The following KLF8 variants were observed in gnomAD, a reference collection of about 807,000 sequenced individuals.
KLF8 encodes the protein Krueppel-like factor 8.
KLF8 carries 10 observed loss-of-function variants against 18.2 expected under a neutral mutation model. The observed-to-expected ratio is 0.55, with a 90% confidence interval of 0.34 to 0.93. The LOEUF is 0.93. KLF8 is among the 40% of genes least tolerant of loss of function. The pLI is 0.02. For synonymous variants in KLF8, 109 were observed against 97.3 expected, an observed-to-expected ratio of 1.12 and a Z score of -0.71; for missense variants, 264 against 277.9, an observed-to-expected ratio of 0.95 and a Z score of 0.36.
chrX:56,086,166 C>A, the KLF8 span, among the ~76,000 whole-genome samples: 2 of 112,236 alleles, frequency 1.8e-5, no homozygotes, highest in Admixed American at 9.5e-5. Context: ...TACAAGGAAG[C>A]AAGGCTTTCT....
chrX:56,051,398 G>T, the KLF8 span, among the ~76,000 whole-genome samples: 6 of 110,486 alleles, frequency 5.4e-5, no homozygotes, highest in African/African-American at 2.0e-4. Context: ...ATTTTGCAGC[G>T]GCTGGTGCCG....
the KLF8 span, among the ~76,000 whole-genome samples, chrX:56,024,043 A>T: frequency 8.9e-6 from 1 of 111,774 alleles, no homozygotes; most frequent in African/African-American, 3.2e-5. Flanking sequence ...TGATAGATAT[A>T]TATTAGTTTT....
At chrX:56,028,093 G>A in the KLF8 span, among the ~76,000 whole-genome samples, 2 of 112,097 alleles carry the variant, frequency 1.8e-5, no homozygotes, top group Non-Finnish European at 3.8e-5. Flanking sequence ...CTTGGCCAGG[G>A]CCCCACAGTT....
the KLF8 span, among the ~76,000 whole-genome samples, chrX:56,222,692 C>T: frequency 8.9e-6 from 1 of 112,872 alleles, no homozygotes; most frequent in African/African-American, 3.2e-5. Flanking sequence ...GCGCAGGAGC[C>T]CACCGTGGGG....
chrX:56,184,780 T>C, the KLF8 span, among the ~76,000 whole-genome samples: 2 of 112,150 alleles, frequency 1.8e-5, no homozygotes, highest in Non-Finnish European at 3.8e-5. Flanking sequence ...AGGGTGGACC[T>C]CCAGCAAACT....
rs2066411720 is a variant in KLF8 at position 56,232,462 on chromosome X, AAAGACGG to A, written c.-870_-864del. ...TCCTTTGGGCCTAGCAGGGCCAGAG[AAAGACGG>A]AATCACTCTACCCACTCAGGTTGCC... On this transcript the variant is annotated 5_prime_UTR_variant, in exon 1 of 6. Transcript: ENST00000468660. The A allele has an allele frequency of 1.8e-5, 2 of 110,885 alleles. No homozygotes were observed. Among genetic ancestry groups the A allele is most frequent in the Non-Finnish European group, 3.8e-5 (2 of 52,876 alleles). The allele number at this position is 110,885 out of a possible 1,213,427, so 9.1% of individuals were successfully genotyped here.
chrX:56,043,331 C>G, the KLF8 span, among the ~76,000 whole-genome samples: 1 of 109,920 alleles, frequency 9.1e-6, no homozygotes, highest in African/African-American at 3.3e-5. Context: ...CAGGGGTTCT[C>G]TGCATTTCTT....
the KLF8 span, among the ~76,000 whole-genome samples, chrX:56,155,527 C>T: frequency 9.1e-6 from 1 of 110,448 alleles, no homozygotes; most frequent in Admixed American, 9.7e-5. Flanking sequence ...ATGGGTGCAC[C>T]TCACCAACAT....
the KLF8 span, among the ~76,000 whole-genome samples, chrX:56,051,502 G>A: frequency 9.1e-6 from 1 of 109,817 alleles, no homozygotes; most frequent in South Asian, 3.9e-4. Flanking sequence ...TGTCTGTAAA[G>A]GATTTTATTT....
intron 5 of KLF8, among the ~76,000 whole-genome samples, chrX:56,276,255 T>C (rs2067121556): frequency 9.1e-6 from 1 of 109,890 alleles, no homozygotes; most frequent in Admixed American, 9.7e-5. Context: ...AATTATGGCT[T>C]TTGTCTCATT....
At chrX:55,961,286 GC>G in the KLF8 span, 1 of 373,984 alleles carries the variant, frequency 2.7e-6, no homozygotes, top group African/African-American at 2.6e-5. Context: ...CACAGCCTCT[GC>G]CAGAGGTCCT....
chrX:56,058,116 T>A, the KLF8 span, among the ~76,000 whole-genome samples: 1 of 97,582 alleles, frequency 1.0e-5, no homozygotes, highest in Non-Finnish European at 2.0e-5. Flanking sequence ...AGTGTGCCAA[T>A]CATCTTGGTC....
At chrX:56,151,813 A>G in the KLF8 span, among the ~76,000 whole-genome samples, 1 of 111,365 alleles carries the variant, frequency 9.0e-6, no homozygotes, top group African/African-American at 3.3e-5. Flanking sequence ...CTAGGCATGC[A>G]TGAGCTCTCC....
chrX:56,248,175 C>T (rs1441300881), intron 1 of KLF8, among the ~76,000 whole-genome samples: 1 of 109,707 alleles, frequency 9.1e-6, no homozygotes, highest in Non-Finnish European at 1.9e-5. Flanking sequence ...GGGGGGAGAG[C>T]GGAGGGATAG....
At chrX:56,028,930 T>G in the KLF8 span, among the ~76,000 whole-genome samples, 1 of 111,225 alleles carries the variant, frequency 9.0e-6, no homozygotes, top group Non-Finnish European at 1.9e-5. Context: ...TACGGGCCGA[T>G]AGTCCTTGGT....
At chrX:56,107,489 C>T in the KLF8 span, among the ~76,000 whole-genome samples, 1 of 111,629 alleles carries the variant, frequency 9.0e-6, no homozygotes, top group Admixed American at 9.5e-5. Flanking sequence ...CTGTGCTAGC[C>T]GTCATCAAGG....
rs760085590 is a variant in KLF8, at chrX:56,288,866, C to T, written c.*4372C>T. Among the ~76,000 whole-genome samples the T allele has an allele frequency of 8.9e-6, 1 of 111,778 alleles. No individual in the cohort carries two copies. Among genetic ancestry groups the T allele is most frequent in the South Asian group, 3.7e-4 (1 of 2,669 alleles). ...GTATGCCTGTATTTACATGACTCAT[C>T]ACTGTTGTTTAACCTTGATCACCTG... On this transcript the variant is annotated 3_prime_UTR_variant, in exon 6 of 6. Transcript: ENST00000468660.
At chrX:55,948,194 A>G in the KLF8 span, among the ~76,000 whole-genome samples, 1 of 112,391 alleles carries the variant, frequency 8.9e-6, no homozygotes, top group African/African-American at 3.2e-5. Context: ...TCACACTAGA[A>G]GTTGTTAATG....
chrX:55,921,688 G>A, the KLF8 span, among the ~76,000 whole-genome samples: 328 of 111,814 alleles, frequency 2.9e-3, 3 homozygotes, highest in African/African-American at 9.9e-3. Flanking sequence ...ACAACCTACA[G>A]AATAGGAGAA....
Sources: allele counts gnomAD v4.1 joint callset (sites outside exome capture counted in the v4.1 genomes callset), GRCh38; gene constraint gnomAD v4.1.1; transcripts MANE v1.5; gene names NCBI Gene and HGNC (gene_info 2026-07-23, HGNC 2026-07-21).